NF1: variants seen among roughly 807,000 people sequenced by gnomAD.
NF1 encodes neurofibromin 1, also known as neurofibromin.
In NF1, 122 loss-of-function variants were observed where a neutral mutation model predicts 325.7. The observed-to-expected ratio is 0.37, with a 90% CI of 0.32 to 0.44. The LOEUF (loss-of-function observed/expected upper bound fraction) is 0.44. Among genes scored for constraint, NF1 ranks in the 20% least tolerant of loss-of-function variants. The pLI is 1.00. For synonymous variants in NF1, 1,091 were observed against 1,186.0 expected (o/e 0.92, Z 1.65); for missense variants, 2,140 against 3,415.4 (o/e 0.63, Z 9.31).
In NF1 at chr17:31,368,916, C is replaced by G. The variant is rs115844045; in HGVS notation, c.8378-5097C>G. ...TAATAAGAGTTTTCTAATAAGTTTG[C>G]CATATTGTATATGAAATAAACTAAA... is the stretch of plus-strand genomic sequence containing the variant. On this transcript the variant is annotated intron_variant, in intron 57 of 57. Transcript: ENST00000358273. 4.4e-3 allele frequency among the ~76,000 whole-genome samples: 669 copies of G among 152,218 alleles called. 7 individuals carry two copies. Among genetic ancestry groups the G allele is most frequent in the African/African-American group, 0.015 (640 of 41,520 alleles).
At chr17:31,350,734 C>T (rs1341303309) in intron 50 of NF1, among the ~76,000 whole-genome samples, 3 of 152,088 alleles carry the variant, frequency 2.0e-5, no homozygotes, top group Non-Finnish European at 4.4e-5. Flanking sequence ...ACTCATATCA[C>T]ACAAGTTATT....
In NF1 at chr17:31,375,243, G is replaced by C. The variant is rs540858038; in HGVS notation, c.*1088G>C. On this transcript the variant is annotated 3_prime_UTR_variant, in exon 58 of 58. Coordinates refer to ENST00000358273, the MANE Select transcript of NF1 (RefSeq NM_001042492.3). ...TATGGTGTATATTATAAATTTCTTT[G>C]ATAAGATGTATTTTGAATGTCTTTT... The C allele has an allele frequency of 5.8e-5, 13 of 225,850 alleles. No individual in the cohort carries two copies. The South Asian group carries it at 2.0e-3, about 35-fold the overall frequency. The allele number at this position is 225,850 out of a possible 1,614,324, so 14.0% of individuals were successfully genotyped here.
At chr17:31,294,866 T>G in intron 36 of NF1, 1 of 1,061,618 alleles carries the variant, frequency 9.4e-7, no homozygotes, top group Admixed American at 1.9e-5. Flanking sequence ...ACAAGTTACT[T>G]CATTTACATC....
intron 4 of NF1, among the ~76,000 whole-genome samples, chr17:31,168,789 A>G (rs1200393689): frequency 6.6e-6 from 1 of 152,208 alleles, no homozygotes; most frequent in Non-Finnish European, 1.5e-5. Context: ...ACAGTTTCCC[A>G]TAAATTTTTC....
chr17:31,189,594 C>A (rs1453044993), intron 8 of NF1, among the ~76,000 whole-genome samples: 1 of 152,100 alleles, frequency 6.6e-6, no homozygotes, highest in Non-Finnish European at 1.5e-5. Context: ...TATAGATTTA[C>A]TTAATTCTAA....
chr17:31,324,489 A>G (rs909117789), intron 36 of NF1, among the ~76,000 whole-genome samples: 6 of 152,340 alleles, frequency 3.9e-5, no homozygotes, highest in African/African-American at 1.4e-4. Flanking sequence ...ATACAATGTT[A>G]TTATTAACTA....
chr17:31,109,687 A>C (rs1567793687), intron 1 of NF1, among the ~76,000 whole-genome samples: 1 of 152,120 alleles, frequency 6.6e-6, no homozygotes, highest in Non-Finnish European at 1.5e-5. Context: ...CCTTGGCCTC[A>C]TTTTATTTTC....
chr17:31,360,822 C>T, intron 57 of NF1, 119 bp downstream of exon 57: 1 of 853,164 alleles, frequency 1.2e-6, no homozygotes, highest in Non-Finnish European at 2.0e-6. Flanking sequence ...ATTCACCTTA[C>T]ATTTCTTCTT....
Position 31,318,160 on chromosome 17 carries a change from C to G in NF1, c.4836-7660C>G, listed in dbSNP as rs184293387. 7.5e-5 allele frequency: 73 copies of G among 971,574 alleles called. No homozygotes were observed. The African/African-American group carries it at 1.1e-3, about 15-fold the overall frequency. The allele number at this position is 971,574 out of a possible 1,614,324, so 60.2% of individuals were successfully genotyped here. ...TAAATAATTAAGCAGGCATACTTCT[C>G]CCTGTCTCACCTGCTTGATTCTAAA... On this transcript the variant is annotated intron_variant, in intron 36 of 57. Transcript: ENST00000358273.
chr17:31,336,188 A>T lies in NF1; in HGVS notation c.6007-145A>T, dbSNP rs2069663483. ...TTTATAATAAATTGTATTTACTGAC[A>T]GGCCTGTAAATAAAATCTAGTATTT... On this transcript the variant is annotated intron_variant, in intron 40 of 57. Coordinates refer to ENST00000358273, the MANE Select transcript of NF1 (RefSeq NM_001042492.3). The surrounding 1 kb of genome is among the most constrained non-coding windows in gnomAD (Gnocchi z 5.5). The T allele has an allele frequency of 1.3e-6, 1 of 742,046 alleles. No homozygotes were observed. The highest frequency in any genetic ancestry group is 2.4e-5 in the Admixed American group (1 of 42,464). 46.0% of individuals were successfully genotyped at this position (742,046 alleles called of 1,614,324 possible).
intron 1 of NF1, among the ~76,000 whole-genome samples, chr17:31,140,261 G>A (rs1345886500): frequency 6.6e-6 from 1 of 152,178 alleles, no homozygotes; most frequent in Non-Finnish European, 1.5e-5. Context: ...CCGAAAGTAT[G>A]AATAAGGAAA....
At chr17:31,229,661 G>T (rs2067078639) in intron 21 of NF1, 174 bp from the exon 22 acceptor site, 1 of 957,562 alleles carries the variant, frequency 1.0e-6, no homozygotes, top group Non-Finnish European at 1.7e-6. Flanking sequence ...GTGCCTAAGG[G>T]TATACGTGCC....
At chr17:31,365,779 C>G (rs2070505307) in intron 57 of NF1, among the ~76,000 whole-genome samples, 1 of 152,084 alleles carries the variant, frequency 6.6e-6, no homozygotes, top group Non-Finnish European at 1.5e-5. Context: ...ATTGTGATAC[C>G]TGTCATGTTG....
intron 57 of NF1, chr17:31,361,416 A>T (rs1198816159): frequency 6.6e-6 from 1 of 152,320 alleles, no homozygotes; most frequent in Non-Finnish European, 1.5e-5. Flanking sequence ...GAATGGTTTC[A>T]TACAACTCTG....
chr17:31,297,814 C>T lies in NF1; in HGVS notation c.4836-28006C>T, dbSNP rs187725267. On this transcript the variant is annotated intron_variant, in intron 36 of 57. Transcript: ENST00000358273. ...ATCAACCACTTAAGTGTTCCGTCTTCCCTTTTAGGATGTATAGAAGTACTG... is the reference window on the plus strand; with the variant it reads ...ATCAACCACTTAAGTGTTCCGTCTTTCCTTTTAGGATGTATAGAAGTACTG... Among the ~76,000 whole-genome samples the T allele has an allele frequency of 4.3e-3, 659 of 152,168 alleles. 4 individuals are homozygous for T. The highest frequency in any genetic ancestry group is 0.015 in the African/African-American group (621 of 41,524).
At chr17:31,196,125 A>G (rs975716478) in intron 8 of NF1, among the ~76,000 whole-genome samples, 2 of 152,014 alleles carry the variant, frequency 1.3e-5, no homozygotes, top group African/African-American at 4.8e-5. Flanking sequence ...TAAAGGTTAT[A>G]TTATATTTCC....
At chr17:31,182,757 A>G (rs988342639) in intron 8 of NF1, 92 bp downstream of exon 8, 10 of 1,230,434 alleles carry the variant, frequency 8.1e-6, no homozygotes, top group African/African-American at 6.0e-5. Flanking sequence ...TTATTTAAGC[A>G]AAGTATTTCA....
chr17:31,376,774 C>T lies in NF1; in HGVS notation c.*2619C>T, dbSNP rs1406202480. On this transcript the variant is annotated 3_prime_UTR_variant, in exon 58 of 58. Coordinates refer to ENST00000358273, the MANE Select transcript of NF1 (RefSeq NM_001042492.3). ...CTTGTTAAAGAGGAAACCAGGAACT[C>T]AGTCATGTTTTTGTCCTGGATAATC... 1 of 233,102 alleles carries T rather than the reference C, an allele frequency of 4.3e-6. No homozygotes were observed. The highest frequency in any genetic ancestry group is 8.5e-6 in the Non-Finnish European group (1 of 117,994). The allele number at this position is 233,102 out of a possible 1,614,324, so 14.4% of individuals were successfully genotyped here.
chr17:31,233,151 G>A lies in NF1; in HGVS notation c.3646G>A (p.Gly1216Ser). 6.2e-7 allele frequency: 1 copy of A among 1,614,160 alleles called. No individual in the cohort carries two copies. Among genetic ancestry groups the A allele is most frequent in the Non-Finnish European group, 8.5e-7 (1 of 1,180,030 alleles). ...ATTGGTGGAACTGGTCACAATGATG[G>A]GTGATCAAGGAGAACTCCCTATAGC... ...ERLVELVTMM[G>S]DQGELPIAMA... The change falls in exon 27 of 58, where the codon GGT (glycine) becomes AGT (serine). Residue 1216 changes from glycine to serine, a missense_variant. Physicochemically the swap from Gly to Ser is moderately conservative, Grantham distance 56. Transcript: ENST00000358273.
Sources: gnomAD v4.1 joint callset for allele counts (sites outside exome capture counted in the v4.1 genomes callset) on GRCh38, gnomAD v4.1.1 for gene constraint, Gnocchi (gnomAD v3.1) non-coding constraint, MANE v1.5 for transcripts, NCBI Gene and HGNC (gene_info 2026-07-23, HGNC 2026-07-21) for gene names.